DAGLA: variants seen among roughly 807,000 people sequenced by gnomAD.
The protein encoded by DAGLA is diacylglycerol lipase-alpha.
In DAGLA, 22 loss-of-function variants were observed where a neutral mutation model predicts 102.6. The ratio of observed to expected loss-of-function variants is 0.21; its 90% CI spans 0.15 to 0.31. The LOEUF (loss-of-function observed/expected upper bound fraction) is 0.31, where lower values mean the gene tolerates loss of function less well. DAGLA is among the 10% of genes least tolerant of loss of function. The pLI is 1.00. For synonymous variants in DAGLA, 578 were observed against 628.9 expected, an observed-to-expected ratio of 0.92 and a Z score of 1.21; for missense variants, 927 against 1,446.6, an observed-to-expected ratio of 0.64 and a Z score of 5.83.
At chr11:61,712,934 G>C (rs560507648) in intron 1 of DAGLA, among the ~76,000 whole-genome samples, 1 of 152,200 alleles carries the variant, frequency 6.6e-6, no homozygotes, top group Non-Finnish European at 1.5e-5. Context: ...CGATGTCCTC[G>C]TGGAGGGATC....
chr11:61,743,773 G>T lies in DAGLA; in HGVS notation c.2413G>T (p.Gly805Cys), dbSNP rs1163400316. The change falls in exon 20 of 20, where the codon GGC (glycine) becomes TGC (cysteine). Residue 805 changes from glycine (G) to cysteine (C), a missense_variant. By Grantham distance (159) the Gly-to-Cys change is radical. Transcript: ENST00000257215. Reference sequence around the variant, plus strand: ...CTCCTCAGGCTTCCGCAGCATCCGGGGCTCCCCCAGCCTCCACGCTGTGCT... The same window carrying T: ...CTCCTCAGGCTTCCGCAGCATCCGGTGCTCCCCCAGCCTCCACGCTGTGCT... ...RRSSGFRSIR[G>C]SPSLHAVLER... The T allele has an allele frequency of 6.2e-7, 1 of 1,612,482 alleles. No individual in the cohort carries two copies.
At chr11:61,700,321 C>T (rs1169284832) in intron 1 of DAGLA, among the ~76,000 whole-genome samples, 4 of 152,206 alleles carry the variant, frequency 2.6e-5, no homozygotes, top group African/African-American at 9.7e-5. Flanking sequence ...TCTGCAGGCC[C>T]TCCTGCAAGG....
chr11:61,692,348 C>T (rs1175725036), intron 1 of DAGLA, among the ~76,000 whole-genome samples: 1 of 152,148 alleles, frequency 6.6e-6, no homozygotes, highest in Non-Finnish European at 1.5e-5. Context: ...GGCCAGGACT[C>T]ATCCTTCAGA....
Position 61,720,092 on chromosome 11 carries a change from G to A in DAGLA, c.-44-20G>A. On this transcript the variant is annotated intron_variant, in intron 1 of 19. Coordinates refer to ENST00000257215, the MANE Select transcript of DAGLA (RefSeq NM_006133.3). ...CCTTCACCTCCTCAGGCAGCTATAA[G>A]GTCCTCTGCTTTCTTTCAGGAGGTG... The A allele has an allele frequency of 6.4e-7, 1 of 1,562,654 alleles. No homozygotes were observed. The highest frequency in any genetic ancestry group is 8.7e-7 in the Non-Finnish European group (1 of 1,143,232).
intron 1 of DAGLA, among the ~76,000 whole-genome samples, chr11:61,701,766 G>A (rs1219448490): frequency 6.6e-6 from 1 of 152,072 alleles, no homozygotes; most frequent in Non-Finnish European, 1.5e-5. Context: ...AGTCAGTGGG[G>A]GGTTAGGTTT....
At chr11:61,704,733 A>T (rs1020228447) in intron 1 of DAGLA, among the ~76,000 whole-genome samples, 2 of 152,118 alleles carry the variant, frequency 1.3e-5, no homozygotes, top group African/African-American at 2.4e-5. Context: ...GAGCCCCAAC[A>T]TGTGGTTGGG....
At chr11:61,728,381 C>G in intron 7 of DAGLA, 94 bp downstream of exon 7, 1 of 1,490,464 alleles carries the variant, frequency 6.7e-7, no homozygotes, top group Admixed American at 1.7e-5. Context: ...GGGCTCGGCT[C>G]CCACGCAGCT....
Position 61,744,565 on chromosome 11 carries a change from G to C in DAGLA, c.*76G>C. ...GGGCACCTGGTGCCTGCCCCCTGCC[G>C]GGCAGCTTTAAGGACAGACCCCCAG... On this transcript the variant is annotated 3_prime_UTR_variant, in exon 20 of 20. Transcript: ENST00000257215. The C allele has an allele frequency of 7.5e-7, 1 of 1,335,694 alleles. No individual in the cohort carries two copies. Among genetic ancestry groups the C allele is most frequent in the Non-Finnish European group, 1.0e-6 (1 of 980,630 alleles). The allele number at this position is 1,335,694 out of a possible 1,614,324, so 82.7% of individuals were successfully genotyped here.
At chr11:61,713,788 G>C (rs2065213180) in intron 1 of DAGLA, among the ~76,000 whole-genome samples, 1 of 152,226 alleles carries the variant, frequency 6.6e-6, no homozygotes, top group Non-Finnish European at 1.5e-5. Flanking sequence ...CAGCCTCACT[G>C]TGCTGAGTCC....
chr11:61,706,129 A>C (rs1254543252), intron 1 of DAGLA, among the ~76,000 whole-genome samples: 1 of 152,382 alleles, frequency 6.6e-6, no homozygotes, highest in East Asian at 1.9e-4. Context: ...AGTACACCCC[A>C]GGGAGGCTTC....
intron 1 of DAGLA, among the ~76,000 whole-genome samples, chr11:61,704,849 G>T (rs879015627): frequency 1.3e-5 from 2 of 152,172 alleles, no homozygotes; most frequent in Non-Finnish European, 2.9e-5. Flanking sequence ...GGTCGGGCCC[G>T]GATGGCAGGA....
rs536773371 is a variant in DAGLA, at chr11:61,723,040, T to C, written c.409+80T>C. The C allele has an allele frequency of 1.9e-5, 23 of 1,212,418 alleles. No homozygotes were observed. In the South Asian group the frequency reaches 2.1e-4, roughly 11 times the overall value. The allele number at this position is 1,212,418 out of a possible 1,614,324, so 75.1% of individuals were successfully genotyped here. On this transcript the variant is annotated intron_variant, in intron 4 of 19. Coordinates refer to ENST00000257215, the MANE Select transcript of DAGLA (RefSeq NM_006133.3). ...GAGATCAGTTTAGAGAGGAAGAAGC[T>C]TGGGCATTGCCAGAGGGCAGTGCCT... is the stretch of plus-strand genomic sequence containing the variant.
chr11:61,694,523 C>T (rs1345543735), intron 1 of DAGLA, among the ~76,000 whole-genome samples: 2 of 152,212 alleles, frequency 1.3e-5, no homozygotes, highest in Non-Finnish European at 2.9e-5. Context: ...ATTGGCCTCA[C>T]GTGCACCCTT....
At chr11:61,737,142 G>T in intron 13 of DAGLA, 40 bp from the exon 14 acceptor site, 2 of 1,611,920 alleles carry the variant, frequency 1.2e-6, no homozygotes, top group Non-Finnish European at 1.7e-6. Context: ...TCGCTTGGCG[G>T]GCATTGGGGC....
At chr11:61,722,772 C>T (rs1003461618) in intron 3 of DAGLA, 87 bp from the exon 4 acceptor site, 112 of 1,150,398 alleles carry the variant, frequency 9.7e-5, no homozygotes, top group Admixed American at 7.0e-5. Context: ...GAAAGCCCAG[C>T]GATAGGAAAG....
chr11:61,707,001 C>T (rs1395900718), intron 1 of DAGLA, among the ~76,000 whole-genome samples: 6 of 152,370 alleles, frequency 3.9e-5, no homozygotes, highest in African/African-American at 9.6e-5. Context: ...GCTTCACTGA[C>T]CTCCCCTGGG....
At chr11:61,723,097 A>C in intron 4 of DAGLA, 137 bp downstream of exon 4, 5 of 757,256 alleles carry the variant, frequency 6.6e-6, no homozygotes, top group Non-Finnish European at 1.1e-5. Context: ...TGGCTGGGCG[A>C]GACTGCTTCC....
chr11:61,731,035 A>G (rs2065369410), intron 8 of DAGLA, among the ~76,000 whole-genome samples: 1 of 152,224 alleles, frequency 6.6e-6, no homozygotes, highest in Non-Finnish European at 1.5e-5. Flanking sequence ...GAAATGGACC[A>G]AGTGATTTTC....
chr11:61,723,516 T>C lies in DAGLA; in HGVS notation c.492T>C (p.Phe164=). ...TCTTCGACCCCACGGGCCGCACCTT[T>C]GTCAAGCTGAGAGCCACCAAGAGGA... ...LCVFDPTGRT[F]VKLRATKRRQ... Residue 164 remains phenylalanine, a synonymous_variant, in exon 5 of 20, where the codon TTT becomes TTC. Coordinates refer to ENST00000257215, the MANE Select transcript of DAGLA (RefSeq NM_006133.3). The C allele has an allele frequency of 6.2e-7, 1 of 1,614,078 alleles. No homozygotes were observed. Among genetic ancestry groups the C allele is most frequent in the Non-Finnish European group, 8.5e-7 (1 of 1,179,996 alleles).
Sources: allele counts gnomAD v4.1 joint callset (sites outside exome capture counted in the v4.1 genomes callset), GRCh38; gene constraint gnomAD v4.1.1; transcripts MANE v1.5; gene names NCBI Gene and HGNC (gene_info 2026-07-23, HGNC 2026-07-21).